The following TMEM131L variants were observed in gnomAD, a reference collection of about 807,000 sequenced individuals.
TMEM131L encodes transmembrane 131 like, also known as transmembrane protein 131-like.
Under a neutral mutation model 192.2 loss-of-function variants are expected in TMEM131L, and 54 were observed. That is an observed-to-expected ratio of 0.28 (90% CI 0.23 to 0.35). The LOEUF is 0.35. TMEM131L is among the 10% of genes least tolerant of loss of function. TMEM131L has a pLI of 1.00. For missense variants in TMEM131L, 1,888 were observed against 1,972.9 expected (o/e 0.96, Z 0.82); for synonymous variants, 701 against 704.9 (o/e 0.99, Z 0.09).
chr4:153,529,566 TGGG>T (rs890872550), intron 3 of TMEM131L, among the ~76,000 whole-genome samples: 1 of 152,184 alleles, frequency 6.6e-6, no homozygotes, highest in African/African-American at 2.4e-5. Context: ...ACTGAATCCT[TGGG>T]GGGAAAATCT....
At chr4:153,597,814 T>A (rs953094471) in intron 20 of TMEM131L, among the ~76,000 whole-genome samples, 1 of 152,132 alleles carries the variant, frequency 6.6e-6, no homozygotes, top group African/African-American at 2.4e-5. Flanking sequence ...TTGCCTGTTG[T>A]CCCAGCTACT....
intron 2 of TMEM131L, among the ~76,000 whole-genome samples, chr4:153,468,481 T>G (rs1436118522): frequency 3.9e-5 from 6 of 152,126 alleles, no homozygotes; most frequent in African/African-American, 1.4e-4. Context: ...TTTTTGAAGG[T>G]TTGGAAGATA....
intron 29 of TMEM131L, among the ~76,000 whole-genome samples, chr4:153,623,343 A>T (rs954701378): frequency 6.6e-6 from 1 of 151,766 alleles, no homozygotes; most frequent in African/African-American, 2.4e-5. Context: ...TTAGTTTGTC[A>T]TTTGTACATT....
chr4:153,623,043 T>C lies in TMEM131L; in HGVS notation c.4005T>C (p.Asp1335=), dbSNP rs1411696543. ...SWSSTSSSDG[D]KKPMVDAQHF... The stretch of plus-strand genomic sequence containing the variant: ...GCAGCACCAGCAGCTCCGACGGGGA[T>C]AAGAAGCCCATGGTGGACGCCCAGC... The change falls in exon 29 of 35, where the codon GAT becomes GAC. Residue 1335 remains aspartate, a synonymous_variant. Coordinates refer to ENST00000409959, the MANE Select transcript of TMEM131L (RefSeq NM_001131007.2). 6.2e-7 allele frequency: 1 copy of C among 1,612,974 alleles called. No homozygotes were observed. Among genetic ancestry groups the C allele is most frequent in the Admixed American group, 1.7e-5 (1 of 59,820 alleles).
intron 3 of TMEM131L, among the ~76,000 whole-genome samples, chr4:153,484,690 A>G (rs1328126436): frequency 2.0e-5 from 3 of 148,092 alleles, no homozygotes; most frequent in Non-Finnish European, 3.0e-5. Flanking sequence ...GGATGGTCTC[A>G]ATCTCCTGAC....
chr4:153,554,347 G>T (rs1737845492), intron 4 of TMEM131L: 1 of 152,138 alleles, frequency 6.6e-6, no homozygotes, highest in Admixed American at 6.6e-5. Flanking sequence ...ATTGATGTTG[G>T]TATTTTATTT....
In TMEM131L at chr4:153,597,921, A is replaced by C. The variant is rs555395429; in HGVS notation, c.2124-669A>C. The stretch of plus-strand genomic sequence containing the variant: ...GCACCCCAGCCTGAGTGGCAGAGCA[A>C]CATCCTATCTCCTAGGTAAATAAAT... On this transcript the variant is annotated intron_variant, in intron 20 of 34. Transcript: ENST00000409959. 2.4e-4 allele frequency among the ~76,000 whole-genome samples: 37 copies of C among 152,266 alleles called. No individual in the cohort carries two copies. The South Asian group carries it at 2.9e-3, about 12-fold the overall frequency.
chr4:153,584,837 G>A lies in TMEM131L; in HGVS notation c.1063G>A (p.Ala355Thr), dbSNP rs1455820307. The A allele has an allele frequency of 1.2e-6, 2 of 1,611,996 alleles. No homozygotes were observed. The highest frequency in any genetic ancestry group is 1.3e-5 in the African/African-American group (1 of 74,884). Residue 355 changes from alanine (A) to threonine (T), a missense_variant and splice_region_variant, in exon 12 of 35, where the codon GCT (alanine) becomes ACT (threonine). Coordinates refer to ENST00000409959, the MANE Select transcript of TMEM131L (RefSeq NM_001131007.2). ...TKIASFTCKA[A>T]TSCDSGIIED... ...ATTTATTTCTTTATACCACAAAGCAGCTACATCATGTGACAGTGGAATTAT... is the reference window on the plus strand; with the variant it reads ...ATTTATTTCTTTATACCACAAAGCAACTACATCATGTGACAGTGGAATTAT...
At chr4:153,553,389 CAT>C (rs1327567199) in intron 4 of TMEM131L, among the ~76,000 whole-genome samples, 1 of 151,374 alleles carries the variant, frequency 6.6e-6, no homozygotes, top group Non-Finnish European at 1.5e-5. Context: ...TAAGAGCACT[CAT>C]AATGCTATTT....
At chr4:153,598,483 A>C in intron 20 of TMEM131L, 107 bp from the exon 21 acceptor site, 2 of 1,052,248 alleles carry the variant, frequency 1.9e-6, no homozygotes, top group East Asian at 5.2e-5. Context: ...TTAAAACTTC[A>C]AAAAAGTTTA....
chr4:153,628,694 G>A (rs1006312797), intron 31 of TMEM131L, among the ~76,000 whole-genome samples: 11 of 152,230 alleles, frequency 7.2e-5, no homozygotes, highest in African/African-American at 4.8e-5. Flanking sequence ...AAGGCAAGAT[G>A]TGGGGGCGGT....
intron 3 of TMEM131L, among the ~76,000 whole-genome samples, chr4:153,519,167 G>C (rs1734940026): frequency 6.6e-6 from 1 of 152,194 alleles, no homozygotes; most frequent in Non-Finnish European, 1.5e-5. Context: ...TGGTGAGCTA[G>C]GGGGTGTAGG....
intron 3 of TMEM131L, among the ~76,000 whole-genome samples, chr4:153,536,718 ATCTC>A (rs79439457): frequency 0.16 from 24,413 of 150,998 alleles, 1,847 homozygotes; most frequent in Middle Eastern, 0.22. Flanking sequence ...CTGTCTATCT[ATCTC>A]CCTCCCTCCC....
At chr4:153,508,138 G>A (rs1734108613) in intron 3 of TMEM131L, among the ~76,000 whole-genome samples, 1 of 152,162 alleles carries the variant, frequency 6.6e-6, no homozygotes, top group Non-Finnish European at 1.5e-5. Context: ...CAGGGAAAAA[G>A]TCATTTAGCA....
chr4:153,520,659 T>C (rs971766539), intron 3 of TMEM131L, among the ~76,000 whole-genome samples: 2 of 152,236 alleles, frequency 1.3e-5, no homozygotes, highest in Non-Finnish European at 2.9e-5. Context: ...AAAGCGCTGA[T>C]GAGAGATTAG....
At chr4:153,603,473 G>A in intron 24 of TMEM131L, 21 bp downstream of exon 24, 2 of 1,601,268 alleles carry the variant, frequency 1.2e-6, no homozygotes, top group Non-Finnish European at 8.5e-7. Context: ...TTATAGTGTG[G>A]TTGGGAGCGG....
At chr4:153,597,928 A>G (rs996627182) in intron 20 of TMEM131L, among the ~76,000 whole-genome samples, 21 of 152,102 alleles carry the variant, frequency 1.4e-4, no homozygotes, top group African/African-American at 4.1e-4. Context: ...GCAACATCCT[A>G]TCTCCTAGGT....
chr4:153,591,430 C>G (rs1252753494), intron 17 of TMEM131L, among the ~76,000 whole-genome samples: 2 of 152,244 alleles, frequency 1.3e-5, no homozygotes, highest in Non-Finnish European at 2.9e-5. Context: ...CAACTGCAAA[C>G]AGCAGAGAAA....
chr4:153,564,287 CAAAA>C (rs1178320668), intron 7 of TMEM131L, among the ~76,000 whole-genome samples: 6 of 17,650 alleles, frequency 3.4e-4, no homozygotes, highest in Non-Finnish European at 4.5e-4. Context: ...AACTCCGTCT[CAAAA>C]AAAAAAAAAA....
Sources: allele counts gnomAD v4.1 joint callset (sites outside exome capture counted in the v4.1 genomes callset), GRCh38; gene constraint gnomAD v4.1.1; transcripts MANE v1.5; gene names NCBI Gene and HGNC (gene_info 2026-07-23, HGNC 2026-07-21).